The following LAMA2 variants were observed in gnomAD, a reference collection of about 807,000 sequenced individuals.
LAMA2 encodes the protein laminin subunit alpha-2.
LAMA2 carries 269 observed loss-of-function variants against 364.8 expected under a neutral mutation model. The ratio of observed to expected loss-of-function variants is 0.74; its 90% confidence interval spans 0.67 to 0.82. The LOEUF is 0.82. LAMA2 is among the 40% of genes least tolerant of loss of function. The probability of loss-of-function intolerance (pLI) is 0.00; values close to 1 mark genes in which losing one functional copy is unlikely to be tolerated. For missense variants in LAMA2, 3,807 were observed against 3,873.2 expected, an observed-to-expected ratio of 0.98 and a Z score of 0.45; for synonymous variants, 1,379 against 1,370.6, an observed-to-expected ratio of 1.01 and a Z score of -0.14.
chr6:128,898,547 C>T (rs929965585), intron 1 of LAMA2, among the ~76,000 whole-genome samples: 1 of 152,214 alleles, frequency 6.6e-6, no homozygotes, highest in African/African-American at 2.4e-5. Context: ...ATATCCACAT[C>T]TTTTTGTCCC....
At position 129,430,419 on chromosome 6, in the gene LAMA2, T is replaced by C. The variant is rs565056854; in HGVS notation, c.5968+2565T>C. On this transcript the variant is annotated intron_variant, in intron 41 of 64. Transcript: ENST00000421865. Reference sequence around the variant, plus strand: ...CTGCCATTTTTATGCTGTCCTTGCCTTGAGGGAATCTGAACTTGCCGGGAG... The same window carrying C: ...CTGCCATTTTTATGCTGTCCTTGCCCTGAGGGAATCTGAACTTGCCGGGAG... 5.3e-5 allele frequency among the ~76,000 whole-genome samples: 8 copies of C among 152,328 alleles called. No individual in the cohort carries two copies. In the East Asian group the frequency reaches 1.5e-3, roughly 29 times the overall value.
intron 12 of LAMA2, among the ~76,000 whole-genome samples, chr6:129,209,323 A>T (rs1782929593): frequency 6.6e-6 from 1 of 152,230 alleles, no homozygotes; most frequent in Non-Finnish European, 1.5e-5. Flanking sequence ...CTAGAAAATG[A>T]TAGAGCAATT....
chr6:129,397,278 TTAAA>T (rs1351995913), intron 37 of LAMA2, among the ~76,000 whole-genome samples: 2 of 152,344 alleles, frequency 1.3e-5, no homozygotes, highest in African/African-American at 2.4e-5. Context: ...TTTCTGTTTC[TTAAA>T]TACTCTAAGT....
intron 23 of LAMA2, 55 bp downstream of exon 23, chr6:129,313,152 G>T (rs1583470374): frequency 8.9e-7 from 1 of 1,124,042 alleles, no homozygotes; most frequent in Non-Finnish European, 1.3e-6. Flanking sequence ...TGTTTCCATT[G>T]CTCAGTTTTA....
chr6:129,373,374 T>C (rs1433419667), intron 34 of LAMA2, among the ~76,000 whole-genome samples: 1 of 152,128 alleles, frequency 6.6e-6, no homozygotes, highest in Non-Finnish European at 1.5e-5. Flanking sequence ...GCAAAGAGAG[T>C]ACCAAGAGCC....
At chr6:129,368,273 CAG>C (rs1262276694) in intron 33 of LAMA2, among the ~76,000 whole-genome samples, 1 of 152,154 alleles carries the variant, frequency 6.6e-6, no homozygotes, top group Non-Finnish European at 1.5e-5. Context: ...TGTGAGGACA[CAG>C]GGAGAAGGCA....
At chr6:129,515,146 C>G (rs1396633148) in intron 64 of LAMA2, among the ~76,000 whole-genome samples, 1 of 152,114 alleles carries the variant, frequency 6.6e-6, no homozygotes, top group Non-Finnish European at 1.5e-5. Flanking sequence ...CCTAAAGTGC[C>G]CATAAACAAG....
intron 1 of LAMA2, among the ~76,000 whole-genome samples, chr6:128,993,235 A>G (rs1415288791): frequency 3.3e-5 from 5 of 152,230 alleles, no homozygotes; most frequent in African/African-American, 4.8e-5. Context: ...TCTTTTCCAT[A>G]TGAAGATATT....
In LAMA2 at chr6:129,346,309, G is replaced by A. The variant is rs1300980425; in HGVS notation, c.4437-2989G>A. Among the ~76,000 whole-genome samples, 3 of 152,108 alleles carry A rather than the reference G, an allele frequency of 2.0e-5. No individual in the cohort carries two copies. In the East Asian group the frequency reaches 5.8e-4, roughly 29 times the overall value. On this transcript the variant is annotated intron_variant, in intron 30 of 64. Coordinates refer to ENST00000421865, the MANE Select transcript of LAMA2 (RefSeq NM_000426.4). ...CTTATCTAGACATCATTAGCAGTCT[G>A]CTCTTGCTATTCCCTCAGACAATCC...
chr6:129,384,714 A>T (rs1778879079), intron 35 of LAMA2, among the ~76,000 whole-genome samples: 1 of 152,022 alleles, frequency 6.6e-6, no homozygotes, highest in Non-Finnish European at 1.5e-5. Context: ...AGGCTTGCTC[A>T]CCACCCCAAA....
intron 32 of LAMA2, among the ~76,000 whole-genome samples, chr6:129,359,448 ACT>A (rs1232742667): frequency 2.6e-5 from 4 of 151,700 alleles, no homozygotes; most frequent in Admixed American, 6.6e-5. Flanking sequence ...CTTCTTAATG[ACT>A]CTGGAATCAA....
chr6:129,133,556 G>A (rs1025810932), intron 4 of LAMA2, among the ~76,000 whole-genome samples: 4 of 152,114 alleles, frequency 2.6e-5, no homozygotes, highest in Admixed American at 2.6e-4. Flanking sequence ...GGAGGATGGT[G>A]ACAGTCACTA....
chr6:129,514,437 G>A lies in LAMA2; in HGVS notation c.9053G>A (p.Gly3018Glu). ...GCTGTCTATGATGCTGGGGTTCCAGGGCATTTGTGTGATGGACAATGGCAT... is the reference window on the plus strand; with the variant it reads ...GCTGTCTATGATGCTGGGGTTCCAGAGCATTTGTGTGATGGACAATGGCAT... The part of the protein sequence containing the change: ...FTAVYDAGVP[G>E]HLCDGQWHKV... The change falls in exon 64 of 65, where the codon GGG (glycine) becomes GAG (glutamate). Residue 3018 changes from glycine to glutamate, a missense_variant. Around this residue, in one of 3 missense-constraint regions of LAMA2, gnomAD observed 3,333 missense variants for 3,345.7 expected, o/e 1.00. Transcript: ENST00000421865. 6.2e-7 allele frequency: 1 copy of A among 1,614,026 alleles called. No homozygotes were observed. Among genetic ancestry groups the A allele is most frequent in the African/African-American group, 1.3e-5 (1 of 75,010 alleles).
At chr6:128,940,816 TA>T in intron 1 of LAMA2, among the ~76,000 whole-genome samples, 1 of 152,160 alleles carries the variant, frequency 6.6e-6, no homozygotes, top group South Asian at 2.1e-4. Flanking sequence ...TTGAGCATGG[TA>T]GTACACACCT....
chr6:129,148,885 G>T, intron 6 of LAMA2, 94 bp from the exon 7 acceptor site: 1 of 884,282 alleles, frequency 1.1e-6, no homozygotes, highest in Non-Finnish European at 1.9e-6. Context: ...CAGTCCAGAT[G>T]TTTTCTCTTT....
chr6:129,097,456 T>A (rs1373163878), intron 3 of LAMA2, among the ~76,000 whole-genome samples: 1 of 152,228 alleles, frequency 6.6e-6, no homozygotes, highest in Non-Finnish European at 1.5e-5. Context: ...CCATTGTCAC[T>A]CTGTTAACAG....
intron 1 of LAMA2, among the ~76,000 whole-genome samples, chr6:128,942,655 A>C (rs1780229245): frequency 6.6e-6 from 1 of 152,224 alleles, no homozygotes; most frequent in African/African-American, 2.4e-5. Context: ...TAGAATAAAA[A>C]AAAAAGTTTA....
intron 5 of LAMA2, among the ~76,000 whole-genome samples, chr6:129,144,394 A>G (rs1277174696): frequency 3.9e-5 from 6 of 152,030 alleles, no homozygotes; most frequent in African/African-American, 1.4e-4. Context: ...GAATAAAATT[A>G]GCCTTTGTCA....
intron 37 of LAMA2, among the ~76,000 whole-genome samples, chr6:129,399,806 G>C (rs1262235426): frequency 6.6e-6 from 1 of 151,970 alleles, no homozygotes; most frequent in Non-Finnish European, 1.5e-5. Flanking sequence ...AGGAAAGAAG[G>C]GTATGAAATT....
Sources: allele counts gnomAD v4.1 joint callset (sites outside exome capture counted in the v4.1 genomes callset), GRCh38; gene constraint gnomAD v4.1.1; regional missense constraint gnomAD v4.1.1; transcripts MANE v1.5; gene names NCBI Gene and HGNC (gene_info 2026-07-23, HGNC 2026-07-21).